ZSWIM5: variants seen among roughly 807,000 people sequenced by gnomAD.
The protein encoded by ZSWIM5 is zinc finger SWIM-type containing 5.
A neutral mutation model predicts 119.6 loss-of-function variants in ZSWIM5; 55 were observed. The ratio of observed to expected loss-of-function variants is 0.46; its 90% CI spans 0.37 to 0.58. The LOEUF (loss-of-function observed/expected upper bound fraction) is 0.58. Ranked by LOEUF, ZSWIM5 falls within the 20% of genes least tolerant of loss-of-function variation. The pLI is 0.00. For synonymous variants in ZSWIM5, 537 were observed against 606.9 expected, an observed-to-expected ratio of 0.88 and a Z score of 1.69; for missense variants, 1,193 against 1,512.8, an observed-to-expected ratio of 0.79 and a Z score of 3.51.
intron 1 of ZSWIM5, among the ~76,000 whole-genome samples, chr1:45,107,874 C>T (rs775759766): frequency 4.6e-5 from 7 of 152,132 alleles, no homozygotes; most frequent in Non-Finnish European, 1.0e-4. Context: ...TTACTGCAGC[C>T]TTGATCTCCC....
rs775595151 is a variant in ZSWIM5 at position 45,019,002 on chromosome 1, C to A, written c.3010G>T (p.Ala1004Ser). ...GMTHSQLFTIARYMELRGYPL... is the reference protein window; with the variant it reads ...GMTHSQLFTISRYMELRGYPL... The stretch of plus-strand genomic sequence containing the variant: ...TAGCCACGGAGCTCCATGTAGCGGG[C>A]GATGGTGAACAGCTGTGAATGGGTC... The change falls in exon 14 of 14, where the codon GCC becomes TCC. Residue 1004 changes from alanine (A) to serine (S), a missense_variant. Around this residue, in one of 2 missense-constraint regions of ZSWIM5, gnomAD observed 961 missense variants for 1,290.0 expected, o/e 0.74. Transcript: ENST00000359600. This position sits in a 1 kb window ranked among gnomAD's most constrained non-coding sequence, Gnocchi z 5.0. 1.2e-6 allele frequency: 2 copies of A among 1,614,142 alleles called. No homozygotes were observed. Among genetic ancestry groups the A allele is most frequent in the East Asian group, 2.2e-5 (1 of 44,882 alleles).
At chr1:45,155,426 T>C (rs1645821229) in intron 1 of ZSWIM5, among the ~76,000 whole-genome samples, 1 of 150,216 alleles carries the variant, frequency 6.7e-6, no homozygotes, top group South Asian at 2.1e-4. Flanking sequence ...TCTACATTGC[T>C]GGTGGGAATG....
intron 1 of ZSWIM5, among the ~76,000 whole-genome samples, chr1:45,169,202 T>C (rs1448661575): frequency 6.6e-6 from 1 of 151,842 alleles, no homozygotes; most frequent in East Asian, 1.9e-4. Context: ...CCACATTCAT[T>C]TCCCTATGTA....
chr1:45,132,250 G>A (rs374457821), intron 1 of ZSWIM5, among the ~76,000 whole-genome samples: 15 of 151,908 alleles, frequency 9.9e-5, no homozygotes, highest in African/African-American at 2.4e-4. Context: ...ACTGATGTGC[G>A]GTGAGAAGAT....
rs754995042 is a variant in ZSWIM5, at chr1:45,018,470, C to T, written c.3542G>A (p.Arg1181Gln). 15 of 1,613,770 alleles carry T rather than the reference C, an allele frequency of 9.3e-6. No homozygotes were observed. Among genetic ancestry groups the T allele is most frequent in the Admixed American group, 6.7e-5 (4 of 59,988 alleles). ...TCTGCTCTCTCAGCCAAAGCGCTCTCGCACCAGCAGCATCAACTTTTTCTT... is the reference window on the plus strand; with the variant it reads ...TCTGCTCTCTCAGCCAAAGCGCTCTTGCACCAGCAGCATCAACTTTTTCTT... ...KGKKKLMLLV[R>Q]ERFG Residue 1181 changes from arginine to glutamine, a missense_variant, in exon 14 of 14, where the codon CGA becomes CAA. Coordinates refer to ENST00000359600, the MANE Select transcript of ZSWIM5 (RefSeq NM_020883.2). This position sits in a 1 kb window ranked among gnomAD's most constrained non-coding sequence, Gnocchi z 6.7.
At chr1:45,052,631 C>T (rs1645095805) in intron 4 of ZSWIM5, among the ~76,000 whole-genome samples, 2 of 151,686 alleles carry the variant, frequency 1.3e-5, no homozygotes, top group African/African-American at 4.8e-5. Context: ...ATTAGCTGGG[C>T]ATGGTGGTAT....
In ZSWIM5 at chr1:45,206,395, G is replaced by T; in HGVS notation, c.-45C>A. The T allele has an allele frequency of 1.5e-6, 2 of 1,350,026 alleles. No individual in the cohort carries two copies. Among genetic ancestry groups the T allele is most frequent in the Non-Finnish European group, 1.9e-6 (2 of 1,054,406 alleles). 83.6% of individuals were successfully genotyped at this position (1,350,026 alleles called of 1,614,324 possible). A position where few individuals can be genotyped will look rare whatever the true frequency, so the allele number is the denominator to read the frequency against. ...GACTGAGGCGGCGGCGGCTGCTCGG[G>T]CTGCGGCGGAGACCCTGGCCACGGC... On this transcript the variant is annotated 5_prime_UTR_variant, in exon 1 of 14. Coordinates refer to ENST00000359600, the MANE Select transcript of ZSWIM5 (RefSeq NM_020883.2).
At chr1:45,182,868 G>A (rs923299092) in intron 1 of ZSWIM5, among the ~76,000 whole-genome samples, 3 of 151,934 alleles carry the variant, frequency 2.0e-5, no homozygotes, top group African/African-American at 7.3e-5. Flanking sequence ...GGATACCCAG[G>A]AATTGAACTC....
chr1:45,020,206 C>G, intron 12 of ZSWIM5, 59 bp from the exon 13 acceptor site: 1 of 1,374,006 alleles, frequency 7.3e-7, no homozygotes. Context: ...CCTCTCCCTC[C>G]CCTTGCATTC....
chr1:45,108,628 ATG>A (rs539698252), intron 1 of ZSWIM5, among the ~76,000 whole-genome samples: 145 of 151,786 alleles, frequency 9.6e-4, no homozygotes, highest in Middle Eastern at 3.5e-3. Flanking sequence ...TTATATTTAA[ATG>A]TGTTTTATAT....
chr1:45,180,754 G>A (rs1357287751), intron 1 of ZSWIM5, among the ~76,000 whole-genome samples: 1 of 152,124 alleles, frequency 6.6e-6, no homozygotes, highest in Non-Finnish European at 1.5e-5. Context: ...GGAACGATCA[G>A]ACAGCAGCAT....
At chr1:45,032,792 ATTTT>A (rs11309060) in intron 11 of ZSWIM5, among the ~76,000 whole-genome samples, 2 of 148,660 alleles carry the variant, frequency 1.3e-5, no homozygotes, top group African/African-American at 2.5e-5. Flanking sequence ...TGGCCTGATA[ATTTT>A]TTTTTTTTTT....
intron 1 of ZSWIM5, among the ~76,000 whole-genome samples, chr1:45,163,673 C>A (rs1039537426): frequency 6.6e-6 from 1 of 152,090 alleles, no homozygotes; most frequent in Admixed American, 6.6e-5. Context: ...AACTATGTGA[C>A]GCATGCATAA....
chr1:45,024,221 G>T (rs12094272), intron 11 of ZSWIM5, among the ~76,000 whole-genome samples: 4 of 143,222 alleles, frequency 2.8e-5, no homozygotes, highest in Non-Finnish European at 6.0e-5. Context: ...ACGGAGTCTC[G>T]GTCTTGTCGC....
chr1:45,067,267 G>C (rs1298070670), intron 2 of ZSWIM5, among the ~76,000 whole-genome samples: 1 of 151,948 alleles, frequency 6.6e-6, no homozygotes, highest in East Asian at 1.9e-4. Flanking sequence ...GTGAGACCCT[G>C]TCTCTATAAA....
chr1:45,087,563 G>C (rs143079139), intron 2 of ZSWIM5, among the ~76,000 whole-genome samples: 1 of 152,276 alleles, frequency 6.6e-6, no homozygotes, highest in Admixed American at 6.5e-5. Flanking sequence ...TTCTTTTACT[G>C]TTTTAACACT....
intron 11 of ZSWIM5, 131 bp from the exon 12 acceptor site, chr1:45,020,919 G>A: frequency 9.2e-7 from 1 of 1,082,266 alleles, no homozygotes; most frequent in Non-Finnish European, 1.3e-6. Flanking sequence ...CGCCCCTTCT[G>A]GGTTATCGAG....
chr1:45,160,907 C>T lies in ZSWIM5; in HGVS notation c.595+44849G>A, dbSNP rs555776941. ...CAAGATCTCAGCTCACTGCAAGCTCCGCCTCCCGGGTTCACGCCATTCTCC... is the reference window on the plus strand; with the variant it reads ...CAAGATCTCAGCTCACTGCAAGCTCTGCCTCCCGGGTTCACGCCATTCTCC... On this transcript the variant is annotated intron_variant, in intron 1 of 13. Transcript: ENST00000359600. 1.2e-3 allele frequency among the ~76,000 whole-genome samples: 183 copies of T among 150,878 alleles called. 1 individual carries two copies. Among genetic ancestry groups the T allele is most frequent in the Middle Eastern group, 3.4e-3 (1 of 294 alleles).
chr1:45,041,989 G>T (rs910294411), intron 6 of ZSWIM5, among the ~76,000 whole-genome samples: 3 of 152,106 alleles, frequency 2.0e-5, no homozygotes, highest in African/African-American at 7.2e-5. Flanking sequence ...GTGAATACAT[G>T]TATATCTATT....
Sources: allele counts gnomAD v4.1 joint callset (sites outside exome capture counted in the v4.1 genomes callset), GRCh38; gene constraint gnomAD v4.1.1; regional missense constraint gnomAD v4.1.1; non-coding constraint Gnocchi (gnomAD v3.1); transcripts MANE v1.5; gene names NCBI Gene and HGNC (gene_info 2026-07-23, HGNC 2026-07-21).